Variants in NELL1 observed in about 807,000 individuals in gnomAD.
NELL1 encodes neural EGFL like 1, also known as protein kinase C-binding protein NELL1.
A neutral mutation model predicts 107.4 loss-of-function variants in NELL1; 76 were observed. The ratio of observed to expected loss-of-function variants is 0.71; its 90% CI spans 0.59 to 0.86. NELL1 has a LOEUF of 0.86. Ranked by LOEUF, NELL1 falls within the 40% of genes least tolerant of loss-of-function variation. NELL1 has a pLI of 0.00. For missense variants in NELL1, 1,024 were observed against 1,005.5 expected, an observed-to-expected ratio of 1.02 and a Z score of -0.25; for synonymous variants, 353 against 341.2, an observed-to-expected ratio of 1.03 and a Z score of -0.38.
chr11:21,446,429 T>C (rs1254702370), intron 15 of NELL1, among the ~76,000 whole-genome samples: 4 of 152,074 alleles, frequency 2.6e-5, no homozygotes, highest in African/African-American at 9.7e-5. Flanking sequence ...CATAGAAGAG[T>C]TAGGTACTTA....
In NELL1 at chr11:21,405,849, G is replaced by A. The variant is rs12146684; in HGVS notation, c.1645+34901G>A. Reference sequence around the variant, plus strand: ...TCCTTTCTTTGCAAGCCTGCCCCTTGCAATATCCAGGAATGGTGAACTTTT... The same window carrying A: ...TCCTTTCTTTGCAAGCCTGCCCCTTACAATATCCAGGAATGGTGAACTTTT... On this transcript the variant is annotated intron_variant, in intron 15 of 19. Coordinates refer to ENST00000357134, the MANE Select transcript of NELL1 (RefSeq NM_006157.5). Among the ~76,000 whole-genome samples, 829 of 152,036 alleles carry A rather than the reference G, an allele frequency of 5.5e-3. 6 individuals are homozygous for A. The highest frequency in any genetic ancestry group is 8.4e-3 in the Non-Finnish European group (569 of 67,948).
At chr11:20,706,553 G>A (rs1349959973) in intron 2 of NELL1, among the ~76,000 whole-genome samples, 1 of 151,208 alleles carries the variant, frequency 6.6e-6, no homozygotes, top group Non-Finnish European at 1.5e-5. Context: ...ATAGCATTAG[G>A]AGATATACCT....
At chr11:20,917,193 G>A (rs1400374064) in intron 5 of NELL1, among the ~76,000 whole-genome samples, 1 of 151,968 alleles carries the variant, frequency 6.6e-6, no homozygotes, top group Admixed American at 6.6e-5. Flanking sequence ...TCCCCATGGG[G>A]AGGCTGTCTT....
chr11:20,942,188 G>C (rs1590443610), intron 10 of NELL1, among the ~76,000 whole-genome samples: 1 of 152,222 alleles, frequency 6.6e-6, no homozygotes, highest in African/African-American at 2.4e-5. Context: ...GGGAAGGAAA[G>C]ACATTCCCTA....
At chr11:21,460,611 C>T (rs1853876923) in intron 15 of NELL1, among the ~76,000 whole-genome samples, 1 of 152,050 alleles carries the variant, frequency 6.6e-6, no homozygotes, top group South Asian at 2.1e-4. Context: ...AATGCGAGAG[C>T]ATTGATTTTA....
At chr11:20,907,733 C>T (rs1850033957) in intron 5 of NELL1, among the ~76,000 whole-genome samples, 1 of 152,106 alleles carries the variant, frequency 6.6e-6, no homozygotes, top group Non-Finnish European at 1.5e-5. Context: ...AACTAAAGAG[C>T]TTCTGCACAG....
intron 12 of NELL1, among the ~76,000 whole-genome samples, chr11:21,086,417 A>T (rs531150995): frequency 2.0e-5 from 3 of 152,300 alleles, no homozygotes; most frequent in East Asian, 3.9e-4. Flanking sequence ...TTTACTAAAT[A>T]TTATCTTTAC....
intron 12 of NELL1, among the ~76,000 whole-genome samples, chr11:20,975,917 A>AT (rs1590486541): frequency 9.3e-6 from 1 of 107,472 alleles, no homozygotes; most frequent in East Asian, 3.7e-4. Context: ...TATTATATAA[A>AT]CACACATATA....
At chr11:21,322,205 C>A (rs76303480) in intron 14 of NELL1, among the ~76,000 whole-genome samples, 3,966 of 152,228 alleles carry the variant, frequency 0.026, 81 homozygotes, top group African/African-American at 0.055. Context: ...TAGTGTAATG[C>A]AGAGCACTAG....
At chr11:21,353,791 T>G (rs1850869560) in intron 14 of NELL1, among the ~76,000 whole-genome samples, 1 of 152,204 alleles carries the variant, frequency 6.6e-6, no homozygotes, top group Non-Finnish European at 1.5e-5. Context: ...TTAATAATTC[T>G]AATGCTTACT....
intron 14 of NELL1, among the ~76,000 whole-genome samples, chr11:21,370,236 C>G (rs369055902): frequency 1.3e-5 from 2 of 151,940 alleles, no homozygotes; most frequent in East Asian, 3.9e-4. Flanking sequence ...CCCTTGGGAC[C>G]AGCATTTCCA....
At chr11:21,570,565 T>A (rs950103885) in intron 17 of NELL1, among the ~76,000 whole-genome samples, 199 bp from the exon 18 acceptor site, 6 of 151,894 alleles carry the variant, frequency 4.0e-5, no homozygotes, top group African/African-American at 1.4e-4. Context: ...AAAATGTTCC[T>A]ATTTTTATTT....
At chr11:21,082,404 CTTA>C (rs537760005) in intron 12 of NELL1, among the ~76,000 whole-genome samples, 1 of 152,174 alleles carries the variant, frequency 6.6e-6, no homozygotes, top group South Asian at 2.1e-4. Context: ...CTACTAGTCT[CTTA>C]TCAGTTAATC....
intron 12 of NELL1, among the ~76,000 whole-genome samples, chr11:21,076,970 G>T (rs1369304274): frequency 6.6e-6 from 1 of 152,030 alleles, no homozygotes; most frequent in Non-Finnish European, 1.5e-5. Context: ...GCAGAACCAC[G>T]AGCCAAATAA....
intron 2 of NELL1, among the ~76,000 whole-genome samples, chr11:20,705,279 A>G (rs538625962): frequency 2.0e-5 from 3 of 152,340 alleles, no homozygotes; most frequent in Admixed American, 6.5e-5. Context: ...ACAAGGCTAC[A>G]GTAACCAAAA....
Position 20,813,006 on chromosome 11 carries a change from C to CA in NELL1, c.335+29217dup, listed in dbSNP as rs869187456. Among the ~76,000 whole-genome samples the CA allele has an allele frequency of 8.2e-5, 5 of 61,272 alleles. 1 individual carries two copies. Among genetic ancestry groups the CA allele is most frequent in the African/African-American group, 3.5e-4 (5 of 14,486 alleles). 40.2% of individuals were successfully genotyped at this position (61,272 alleles called of 152,430 possible). On this transcript the variant is annotated intron_variant, in intron 3 of 19. Transcript: ENST00000357134. The stretch of plus-strand genomic sequence containing the variant: ...CCTGGGCGACAGCGAGACTCCGTCT[C>CA]AAAAAAAAAAAAAAAAAAAAAAAAA...
intron 12 of NELL1, among the ~76,000 whole-genome samples, chr11:21,095,856 C>T (rs757798688): frequency 1.1e-4 from 16 of 152,110 alleles, no homozygotes; most frequent in African/African-American, 1.9e-4. Flanking sequence ...GTAATCCACC[C>T]GCCTCAGCCT....
At chr11:21,173,146 A>T (rs950218395) in intron 13 of NELL1, among the ~76,000 whole-genome samples, 1 of 151,712 alleles carries the variant, frequency 6.6e-6, no homozygotes, top group East Asian at 1.9e-4. Flanking sequence ...TTTACCTACA[A>T]CTTCTCAGAA....
chr11:21,259,480 G>T (rs1360248171), intron 14 of NELL1, among the ~76,000 whole-genome samples: 1 of 151,890 alleles, frequency 6.6e-6, no homozygotes, highest in Non-Finnish European at 1.5e-5. Context: ...GCCTTTTGGA[G>T]AACAGGATAT....
Sources: allele counts gnomAD v4.1 joint callset (sites outside exome capture counted in the v4.1 genomes callset), GRCh38; gene constraint gnomAD v4.1.1; transcripts MANE v1.5; gene names NCBI Gene and HGNC (gene_info 2026-07-23, HGNC 2026-07-21).